The following SIGLEC5 variants were observed in gnomAD, a reference collection of about 807,000 sequenced individuals.
SIGLEC5 encodes the protein sialic acid-binding Ig-like lectin 5.
SIGLEC5 carries 34 observed loss-of-function variants against 45.9 expected under a neutral mutation model. The ratio of observed to expected loss-of-function variants is 0.74; its 90% CI spans 0.56 to 0.99. The LOEUF (loss-of-function observed/expected upper bound fraction) is 0.99, where lower values mean the gene tolerates loss of function less well. Ranked by LOEUF, SIGLEC5 falls within the 50% of genes least tolerant of loss-of-function variation. The pLI is 0.00. For synonymous variants in SIGLEC5, 203 were observed against 258.6 expected (o/e 0.79, Z 2.06); for missense variants, 508 against 629.6 (o/e 0.81, Z 2.07).
At position 51,620,688 on chromosome 19, in the gene SIGLEC5, C is replaced by G. The variant is rs187600553; in HGVS notation, c.1464+5344G>C. ...CAAAAGATGCCCATGGTCACTATGT[C>G]TACTCAACTTTGACCATAATCTCAC... On this transcript the variant is annotated intron_variant, in intron 8 of 8. Coordinates refer to ENST00000683636, the MANE Select transcript of SIGLEC5 (RefSeq NM_003830.4). Among the ~76,000 whole-genome samples, 11 of 152,324 alleles carry G rather than the reference C, an allele frequency of 7.2e-5. No homozygotes were observed. In the East Asian group the frequency reaches 1.9e-3, roughly 27 times the overall value.
At chr19:51,618,464 A>AAAAAC (rs1983152840) in intron 8 of SIGLEC5, among the ~76,000 whole-genome samples, 1 of 150,272 alleles carries the variant, frequency 6.7e-6, no homozygotes. Flanking sequence ...AAAAAAAAAA[A>AAAAAC]AAAACATCCA....
intron 8 of SIGLEC5, among the ~76,000 whole-genome samples, chr19:51,625,563 C>T (rs554252103): frequency 1.3e-5 from 2 of 152,222 alleles, no homozygotes; most frequent in East Asian, 1.9e-4. Context: ...GGCGCGGTGG[C>T]TTACGCCTGT....
In SIGLEC5 at chr19:51,629,916, G is replaced by C. The variant is rs762434257; in HGVS notation, c.338C>G (p.Thr113Arg). ...CTCCACGCGGAAGAAATAGCTTCCCGTGTCCTCCATTCTGGCATCTCCGAT... is the reference window on the plus strand; with the variant it reads ...CTCCACGCGGAAGAAATAGCTTCCCCTGTCCTCCATTCTGGCATCTCCGAT... Reference protein sequence around the residue: ...LSIGDARMEDTGSYFFRVERG... With the variant: ...LSIGDARMEDRGSYFFRVERG... The change falls in exon 2 of 9, where the codon ACG (threonine) becomes AGG (arginine). Residue 113 changes from threonine (T) to arginine (R), a missense_variant. Coordinates refer to ENST00000683636, the MANE Select transcript of SIGLEC5 (RefSeq NM_003830.4). 1 of 1,123,956 alleles carries C rather than the reference G, an allele frequency of 8.9e-7. No individual in the cohort carries two copies. Among genetic ancestry groups the C allele is most frequent in the Non-Finnish European group, 1.3e-6 (1 of 777,046 alleles). 69.6% of individuals were successfully genotyped at this position (1,123,956 alleles called of 1,614,324 possible). A position where few individuals can be genotyped will look rare whatever the true frequency, so the allele number is the denominator to read the frequency against.
At chr19:51,626,278 A>G (rs1165953375) in intron 7 of SIGLEC5, among the ~76,000 whole-genome samples, 165 bp from the exon 8 acceptor site, 3 of 152,138 alleles carry the variant, frequency 2.0e-5, no homozygotes, top group Non-Finnish European at 4.4e-5. Context: ...ATCCTCCTGG[A>G]TAACCAGGGA....
Position 51,629,302 on chromosome 19 carries a change from A to ACACACACC in SIGLEC5, c.700+55_700+56insGGTGTGTG, listed in dbSNP as rs755110570. 1.4e-3 allele frequency: 2,221 copies of ACACACACC among 1,539,642 alleles called. 3 individuals carry two copies. Among genetic ancestry groups the ACACACACC allele is most frequent in the Non-Finnish European group, 1.4e-3 (1,612 of 1,123,172 alleles). Reference sequence around the variant, plus strand: ...CACACACACACACACACACACACACACACCCCTCACTCCCACTGCCCTTGA... The same window carrying ACACACACC: ...CACACACACACACACACACACACACACACACACCCACCCCTCACTCCCACTGCCCTTGA... On this transcript the variant is annotated intron_variant, in intron 3 of 8. Coordinates refer to ENST00000683636, the MANE Select transcript of SIGLEC5 (RefSeq NM_003830.4).
rs376361195 is a variant in SIGLEC5 at position 51,628,108 on chromosome 19, G to T, written c.740-17C>A. Reference sequence around the variant, plus strand: ...TCTCTAGGGCTTTGGGGAGAGAAGGGTGGGGAAAGAGAGATGGGGCCAGGG... The same window carrying T: ...TCTCTAGGGCTTTGGGGAGAGAAGGTTGGGGAAAGAGAGATGGGGCCAGGG... On this transcript the variant is annotated splice_polypyrimidine_tract_variant and intron_variant, in intron 4 of 8. Transcript: ENST00000683636. 2 of 1,504,802 alleles carry T rather than the reference G, an allele frequency of 1.3e-6. No individual in the cohort carries two copies. Among genetic ancestry groups the T allele is most frequent in the African/African-American group, 2.8e-5 (2 of 71,178 alleles). The allele number at this position is 1,504,802 out of a possible 1,614,324, so 93.2% of individuals were successfully genotyped here.
In SIGLEC5 at chr19:51,613,311, G is replaced by A. The variant is rs542698435; in HGVS notation, c.1465-889C>T. On this transcript the variant is annotated intron_variant, in intron 8 of 8. Transcript: ENST00000683636. ...ATCTCTGGGGTTCCCATTCAAGGCCGGGCTAGATTTTATGACCACTCCCCA... is the reference window on the plus strand; with the variant it reads ...ATCTCTGGGGTTCCCATTCAAGGCCAGGCTAGATTTTATGACCACTCCCCA... 5.3e-5 allele frequency among the ~76,000 whole-genome samples: 8 copies of A among 152,218 alleles called. 1 individual carries two copies. Among genetic ancestry groups the A allele is most frequent in the South Asian group, 4.1e-4 (2 of 4,822 alleles).
rs757275164 is a variant in SIGLEC5, at chr19:51,626,102, C to T, written c.1394G>A (p.Arg465His). ...CLIFFLIVKARRKQAAGRPEK... is the reference protein window; with the variant it reads ...CLIFFLIVKAHRKQAAGRPEK... ...TGGTCTCCCAGCTGCTTGCTTCCTG[C>T]GGGCTTTCACTCTAAGGAAAGAAAC... is the stretch of plus-strand genomic sequence containing the variant. The change falls in exon 8 of 9, where the codon CGC becomes CAC. Residue 465 changes from arginine to histidine, a missense_variant. Physicochemically the swap from Arg to His is conservative, Grantham distance 29. Transcript: ENST00000683636. The T allele has an allele frequency of 6.0e-5, 97 of 1,613,512 alleles. No homozygotes were observed. Among genetic ancestry groups the T allele is most frequent in the Non-Finnish European group, 6.7e-5 (79 of 1,179,964 alleles).
At chr19:51,618,867 A>G (rs1227072318) in intron 8 of SIGLEC5, among the ~76,000 whole-genome samples, 1 of 151,382 alleles carries the variant, frequency 6.6e-6, no homozygotes, top group Non-Finnish European at 1.5e-5. Flanking sequence ...TGTTCAGTTC[A>G]CTGAGAAGAT....
intron 8 of SIGLEC5, among the ~76,000 whole-genome samples, chr19:51,622,683 A>G (rs1472727157): frequency 6.6e-6 from 1 of 152,230 alleles, no homozygotes; most frequent in Non-Finnish European, 1.5e-5. Flanking sequence ...TGCTCAATGG[A>G]GAAGGGAGAA....
rs376678374 is a variant in SIGLEC5 at position 51,629,366 on chromosome 19, T to A, written c.692A>T (p.Asn231Ile). 1.2e-6 allele frequency: 2 copies of A among 1,613,018 alleles called. No homozygotes were observed. The highest frequency in any genetic ancestry group is 1.7e-6 in the Non-Finnish European group (2 of 1,179,784). ...TCCCCAGCACCACTCACAGGAGACATTGAGCTGGACAGTTCTCTCCGTGGT... is the reference window on the plus strand; with the variant it reads ...TCCCCAGCACCACTCACAGGAGACAATGAGCTGGACAGTTCTCTCCGTGGT... ...QVTTERTVQL[N>I]VSYAPQTITI... Residue 231 changes from asparagine (N) to isoleucine (I), a missense_variant, in exon 3 of 9, where the codon AAT (asparagine) becomes ATT (isoleucine). By Grantham distance (149) the Asn-to-Ile change is moderately radical. This residue lies in a region of SIGLEC5 where 431 missense variants were observed against 428.8 expected (regional missense o/e 1.01). Coordinates refer to ENST00000683636, the MANE Select transcript of SIGLEC5 (RefSeq NM_003830.4).
chr19:51,612,461 A>G (rs1313225855), intron 8 of SIGLEC5, 39 bp from the exon 9 acceptor site: 1 of 1,424,016 alleles, frequency 7.0e-7, no homozygotes, highest in Non-Finnish European at 9.7e-7. Context: ...AGTAGGAATA[A>G]AGAGGCAGGT....
At chr19:51,612,875 TTCTCTC>T (rs35813605) in intron 8 of SIGLEC5, among the ~76,000 whole-genome samples, 24 of 151,068 alleles carry the variant, frequency 1.6e-4, no homozygotes, top group African/African-American at 5.3e-4. Context: ...TCATGGGTTC[TTCTCTC>T]TCTCTCTCTC....
In SIGLEC5 at chr19:51,627,831, C is replaced by T; in HGVS notation, c.997+3G>A. ...TTCCTGCTCCAGCTGCCCCCACACT[C>T]ACAGTAAACTGAGAGATTCAGAAAA... On this transcript the variant is annotated splice_donor_region_variant and intron_variant, in intron 5 of 8. Coordinates refer to ENST00000683636, the MANE Select transcript of SIGLEC5 (RefSeq NM_003830.4). The T allele has an allele frequency of 1.3e-6, 2 of 1,596,670 alleles. No homozygotes were observed. The highest frequency in any genetic ancestry group is 1.7e-6 in the Non-Finnish European group (2 of 1,170,838).
At chr19:51,627,368 C>A in intron 6 of SIGLEC5, 94 bp downstream of exon 6, 1 of 1,543,422 alleles carries the variant, frequency 6.5e-7, no homozygotes, top group Non-Finnish European at 8.8e-7. Flanking sequence ...CCTGTCTCCC[C>A]ACCACCAGTC....
At chr19:51,620,126 T>A (rs1047783442) in intron 8 of SIGLEC5, among the ~76,000 whole-genome samples, 2 of 151,796 alleles carry the variant, frequency 1.3e-5, no homozygotes, top group African/African-American at 4.8e-5. Context: ...GAAGAATACA[T>A]AAAATGATTA....
At chr19:51,619,602 A>T (rs1983205985) in intron 8 of SIGLEC5, among the ~76,000 whole-genome samples, 1 of 152,218 alleles carries the variant, frequency 6.6e-6, no homozygotes, top group Non-Finnish European at 1.5e-5. Context: ...AAGAAATCAC[A>T]ATGTTGTTTT....
intron 8 of SIGLEC5, among the ~76,000 whole-genome samples, chr19:51,620,758 AG>A (rs1568589921): frequency 6.6e-6 from 1 of 152,222 alleles, no homozygotes; most frequent in African/African-American, 2.4e-5. Flanking sequence ...CTTAGGACAA[AG>A]GGAAGAAATA....
intron 4 of SIGLEC5, among the ~76,000 whole-genome samples, chr19:51,628,760 G>C (rs1467286271): frequency 1.4e-5 from 2 of 141,282 alleles, no homozygotes; most frequent in South Asian, 2.2e-4. Flanking sequence ...ATGTGTGTGT[G>C]TATGTGCGTG....
Sources: gnomAD v4.1 joint callset for allele counts (sites outside exome capture counted in the v4.1 genomes callset) on GRCh38, gnomAD v4.1.1 for gene constraint, gnomAD v4.1.1 regional missense constraint, MANE v1.5 for transcripts, NCBI Gene and HGNC (gene_info 2026-07-23, HGNC 2026-07-21) for gene names.